XIRP2: variants seen among roughly 807,000 people sequenced by gnomAD.
The protein encoded by XIRP2 is xin actin binding repeat containing 2.
Under a neutral mutation model 277.0 loss-of-function variants are expected in XIRP2, and 236 were observed. The ratio of observed to expected loss-of-function variants is 0.85; its 90% CI spans 0.77 to 0.95. The LOEUF (loss-of-function observed/expected upper bound fraction) is 0.95. Ranked by LOEUF, XIRP2 falls within the 40% of genes least tolerant of loss-of-function variation. XIRP2 has a pLI of 0.00. For synonymous variants in XIRP2, 1,490 were observed against 1,416.5 expected (o/e 1.05, Z -1.17); for missense variants, 4,640 against 4,157.5 (o/e 1.12, Z -3.19).
In XIRP2 at chr2:167,250,262, T is replaced by C; in HGVS notation, c.8870T>C (p.Ile2957Thr). The change falls in exon 9 of 11, where the codon ATT (isoleucine) becomes ACT (threonine). Residue 2957 changes from isoleucine to threonine, a missense_variant. Coordinates refer to ENST00000409195, the MANE Select transcript of XIRP2 (RefSeq NM_152381.6). ...FLRKREELQQ[I>T]LSRVKQFEAE... ...AGAAAACGTGAAGAACTGCAACAGA[T>C]TTTGTCGAGAGTGAAACAGTTTGAA... The C allele has an allele frequency of 6.2e-7, 1 of 1,613,296 alleles. No homozygotes were observed.
rs529046583 is a variant in XIRP2, at chr2:166,913,790, A to T, written c.408+9900A>T. On this transcript the variant is annotated intron_variant, in intron 2 of 10. Coordinates refer to ENST00000409195, the MANE Select transcript of XIRP2 (RefSeq NM_152381.6). ...AAACACTCTCCCACAGGTAAGTTTA[A>T]CTAAATACATGCAAAAATCAGGATC... Among the ~76,000 whole-genome samples, 4 of 152,360 alleles carry T rather than the reference A, an allele frequency of 2.6e-5. No homozygotes were observed. The East Asian group carries it at 5.8e-4, about 22-fold the overall frequency.
chr2:167,070,850 G>A (rs1689420059), intron 2 of XIRP2, among the ~76,000 whole-genome samples: 1 of 151,968 alleles, frequency 6.6e-6, no homozygotes, highest in Non-Finnish European at 1.5e-5. Flanking sequence ...AACTTAGAAG[G>A]AAAAAACCTT....
At chr2:167,225,280 T>C (rs1026122816) in intron 5 of XIRP2, among the ~76,000 whole-genome samples, 5 of 152,110 alleles carry the variant, frequency 3.3e-5, no homozygotes. Flanking sequence ...GCTATGCTGT[T>C]TGAAAAGAAG....
chr2:166,934,656 G>T (rs1235581248), intron 2 of XIRP2, among the ~76,000 whole-genome samples: 1 of 152,074 alleles, frequency 6.6e-6, no homozygotes, highest in Admixed American at 6.5e-5. Context: ...CATTAATTTA[G>T]TCCTCTATAA....
chr2:167,099,185 C>T (rs1395000880), intron 2 of XIRP2, among the ~76,000 whole-genome samples: 1 of 152,164 alleles, frequency 6.6e-6, no homozygotes, highest in South Asian at 2.1e-4. Context: ...TGCTGCCTTT[C>T]TTTCTGAGAT....
At chr2:167,154,419 C>A (rs1276951377) in intron 3 of XIRP2, among the ~76,000 whole-genome samples, 1 of 150,796 alleles carries the variant, frequency 6.6e-6, no homozygotes, top group East Asian at 1.9e-4. Flanking sequence ...TTAATTAGAT[C>A]CCATTTGTCA....
At chr2:167,096,526 G>A (rs1376735355) in intron 2 of XIRP2, among the ~76,000 whole-genome samples, 2 of 151,922 alleles carry the variant, frequency 1.3e-5, no homozygotes, top group African/African-American at 4.8e-5. Context: ...CTTTTTGAAG[G>A]GTTTTTCATG....
chr2:167,222,924 C>A (rs756630919), intron 5 of XIRP2, among the ~76,000 whole-genome samples: 12 of 151,890 alleles, frequency 7.9e-5, no homozygotes, highest in Non-Finnish European at 1.5e-4. Context: ...CCATAACTTT[C>A]ACCCATTTTA....
chr2:167,206,812 T>C (rs985617092), intron 3 of XIRP2, among the ~76,000 whole-genome samples: 1 of 152,240 alleles, frequency 6.6e-6, no homozygotes. Context: ...GCAACTACAA[T>C]TTAAGAATGT....
intron 2 of XIRP2, among the ~76,000 whole-genome samples, chr2:167,044,342 A>AT (rs1222401559): frequency 6.6e-6 from 1 of 152,088 alleles, no homozygotes; most frequent in Non-Finnish European, 1.5e-5. Context: ...AAATGGAAGC[A>AT]TTCCCCTTGA....
intron 3 of XIRP2, among the ~76,000 whole-genome samples, chr2:167,195,089 G>C (rs1693462121): frequency 6.6e-6 from 1 of 152,150 alleles, no homozygotes; most frequent in African/African-American, 2.4e-5. Flanking sequence ...ATAGGTTGTT[G>C]TGTTGTTAAA....
At chr2:167,024,007 C>G (rs1451432920) in intron 2 of XIRP2, among the ~76,000 whole-genome samples, 1 of 152,028 alleles carries the variant, frequency 6.6e-6, no homozygotes, top group African/African-American at 2.4e-5. Flanking sequence ...TCATTGGTAG[C>G]TTGATGGGGA....
chr2:167,111,173 T>G (rs2105295001), intron 2 of XIRP2, among the ~76,000 whole-genome samples: 1 of 152,266 alleles, frequency 6.6e-6, no homozygotes, highest in Non-Finnish European at 1.5e-5. Context: ...TATTTCTTTC[T>G]CTTGACTGAT....
chr2:167,187,500 A>G (rs578111596), intron 3 of XIRP2: 1 of 985,310 alleles, frequency 1.0e-6, no homozygotes, highest in East Asian at 1.1e-4. Context: ...ATATTTCCAC[A>G]AACTTGGGGT....
At chr2:167,062,382 A>G (rs1487053399) in intron 2 of XIRP2, among the ~76,000 whole-genome samples, 3 of 152,160 alleles carry the variant, frequency 2.0e-5, no homozygotes, top group African/African-American at 7.2e-5. Flanking sequence ...GTCATGATGT[A>G]TTACACTTTT....
chr2:166,950,214 T>A (rs1349291247), intron 2 of XIRP2, among the ~76,000 whole-genome samples: 1 of 152,052 alleles, frequency 6.6e-6, no homozygotes, highest in Non-Finnish European at 1.5e-5. Context: ...GATTAGAATA[T>A]CTGCATGTAG....
chr2:167,259,549 A>T lies in XIRP2; in HGVS notation c.*1732A>T, dbSNP rs1695786029. 46 of 552,890 alleles carry T rather than the reference A, an allele frequency of 8.3e-5. No homozygotes were observed. The South Asian group carries it at 1.6e-3, about 19-fold the overall frequency. 34.2% of individuals were successfully genotyped at this position (552,890 alleles called of 1,614,324 possible). A position where few individuals can be genotyped will look rare whatever the true frequency, so the allele number is the denominator to read the frequency against. ...TTGTCATTTTTTTCACAATTTATTT[A>T]CATCTACTTTTGTTTGAACTGGAAT... On this transcript the variant is annotated 3_prime_UTR_variant, in exon 11 of 11. Transcript: ENST00000409195.
At chr2:166,952,236 C>T (rs1359051536) in intron 2 of XIRP2, among the ~76,000 whole-genome samples, 2 of 151,956 alleles carry the variant, frequency 1.3e-5, no homozygotes, top group South Asian at 2.1e-4. Context: ...CAGCTACATT[C>T]GTCCGGTGGA....
chr2:167,165,321 T>A (rs969948702), intron 3 of XIRP2, among the ~76,000 whole-genome samples: 4 of 152,240 alleles, frequency 2.6e-5, no homozygotes, highest in Non-Finnish European at 5.9e-5. Flanking sequence ...TATGTAGGTA[T>A]TTATGTAGAC....
Sources: allele counts gnomAD v4.1 joint callset (sites outside exome capture counted in the v4.1 genomes callset), GRCh38; gene constraint gnomAD v4.1.1; transcripts MANE v1.5; gene names NCBI Gene and HGNC (gene_info 2026-07-23, HGNC 2026-07-21).